The following FRK variants were observed in gnomAD, a reference collection of about 807,000 sequenced individuals.
FRK encodes tyrosine-protein kinase FRK.
Under a neutral mutation model 56.4 loss-of-function variants are expected in FRK, and 51 were observed. The ratio of observed to expected loss-of-function variants is 0.90; its 90% CI spans 0.72 to 1.14. FRK has a LOEUF of 1.14. FRK is among the 50% of genes most tolerant of loss of function. FRK has a pLI of 0.00. For synonymous variants in FRK, 245 were observed against 217.9 expected (o/e 1.12, Z -1.10); for missense variants, 570 against 601.4 (o/e 0.95, Z 0.55).
chr6:116,024,061 CACA>C (rs1775981759), intron 1 of FRK, among the ~76,000 whole-genome samples: 2 of 17,410 alleles, frequency 1.1e-4, no homozygotes, highest in South Asian at 4.4e-3. Context: ...AGAACTTACA[CACA>C]CACACACACA....
At chr6:115,985,914 G>A in intron 2 of FRK, among the ~76,000 whole-genome samples, 1 of 80,936 alleles carries the variant, frequency 1.2e-5, no homozygotes, top group Non-Finnish European at 2.9e-5. Context: ...AAATCATTAT[G>A]ATTAGAATGC....
At chr6:116,000,557 A>G (rs1775026430) in intron 2 of FRK, among the ~76,000 whole-genome samples, 1 of 152,018 alleles carries the variant, frequency 6.6e-6, no homozygotes, top group South Asian at 2.1e-4. Context: ...TCATTCTTCT[A>G]TATTTTTAAC....
Position 115,934,916 on chromosome 6 carries a change from T to C in FRK, c.*7498A>G, listed in dbSNP as rs1444657964. The C allele has an allele frequency of 6.9e-6, 1 of 145,264 alleles. No homozygotes were observed. The highest frequency in any genetic ancestry group is 7.1e-5 in the Admixed American group (1 of 14,092). 9.0% of individuals were successfully genotyped at this position (145,264 alleles called of 1,614,324 possible). ...AAGTTTAATTCAAACTTAAGATGAG[T>C]AAAAACCCTCTTATCCTACCAGACC... is the stretch of plus-strand genomic sequence containing the variant. On this transcript the variant is annotated 3_prime_UTR_variant, in exon 8 of 8. Transcript: ENST00000606080.
chr6:115,937,612 T>C lies in FRK; in HGVS notation c.*4802A>G, dbSNP rs1024095706. 7 of 151,388 alleles carry C rather than the reference T, an allele frequency of 4.6e-5. No homozygotes were observed. The highest frequency in any genetic ancestry group is 1.7e-4 in the African/African-American group (7 of 41,112). 9.4% of individuals were successfully genotyped at this position (151,388 alleles called of 1,614,324 possible). A position where few individuals can be genotyped will look rare whatever the true frequency, so the allele number is the denominator to read the frequency against. Reference sequence around the variant, plus strand: ...TGCAAAGAGACACACAGGCTCAAGATAAAGGGATGGAGGAATATTTACGAA... The same window carrying C: ...TGCAAAGAGACACACAGGCTCAAGACAAAGGGATGGAGGAATATTTACGAA... On this transcript the variant is annotated 3_prime_UTR_variant, in exon 8 of 8. Coordinates refer to ENST00000606080, the MANE Select transcript of FRK (RefSeq NM_002031.3).
chr6:116,053,977 GTTGAA>G (rs1375372534), intron 1 of FRK, among the ~76,000 whole-genome samples: 5 of 151,906 alleles, frequency 3.3e-5, no homozygotes, highest in African/African-American at 1.2e-4. Flanking sequence ...TTTTAACATA[GTTGAA>G]TTGGTTGCTC....
chr6:115,932,729 C>G lies in FRK; in HGVS notation c.*9685G>C, dbSNP rs1771977761. 1 of 152,186 alleles carries G rather than the reference C, an allele frequency of 6.6e-6. No homozygotes were observed. The highest frequency in any genetic ancestry group is 6.5e-5 in the Admixed American group (1 of 15,284). The allele number at this position is 152,186 out of a possible 1,614,324, so 9.4% of individuals were successfully genotyped here. A position where few individuals can be genotyped will look rare whatever the true frequency, so the allele number is the denominator to read the frequency against. On this transcript the variant is annotated 3_prime_UTR_variant, in exon 8 of 8. Coordinates refer to ENST00000606080, the MANE Select transcript of FRK (RefSeq NM_002031.3). ...GGCATATGCTTAACAAACCATGGAA[C>G]ACCAGCTGGGCTCTGCTTCCTTCAG...
chr6:116,072,504 T>A, the FRK span, among the ~76,000 whole-genome samples: 161 of 150,930 alleles, frequency 1.1e-3, 1 homozygote, highest in African/African-American at 3.8e-3. Flanking sequence ...ATGTTAGAAC[T>A]GATTACATCA....
intron 1 of FRK, among the ~76,000 whole-genome samples, chr6:116,035,820 G>A (rs1321393816): frequency 2.6e-5 from 4 of 151,794 alleles, no homozygotes; most frequent in African/African-American, 7.3e-5. Flanking sequence ...AATAAATAGC[G>A]AGCAGGTGAA....
intron 1 of FRK, among the ~76,000 whole-genome samples, chr6:116,049,637 G>A (rs987095295): frequency 1.3e-5 from 2 of 152,140 alleles, no homozygotes; most frequent in South Asian, 2.1e-4. Context: ...TTGTGTGGAC[G>A]TAAGCAGTTT....
intron 4 of FRK, among the ~76,000 whole-genome samples, chr6:115,957,785 A>G (rs1773067087): frequency 6.6e-6 from 1 of 152,216 alleles, no homozygotes; most frequent in Non-Finnish European, 1.5e-5. Context: ...ACTCTCTGCC[A>G]CTAGTGCCCT....
At chr6:115,956,690 G>A in intron 4 of FRK, 80 bp from the exon 5 acceptor site, 1 of 1,145,120 alleles carries the variant, frequency 8.7e-7, no homozygotes, top group Non-Finnish European at 1.2e-6. Context: ...GAATCATCAA[G>A]ATTGCCTCCT....
chr6:116,045,546 A>C (rs1468749423), intron 1 of FRK, among the ~76,000 whole-genome samples: 1 of 152,240 alleles, frequency 6.6e-6, no homozygotes, highest in Non-Finnish European at 1.5e-5. Context: ...GAAAACTGAA[A>C]CTGGACCCCT....
intron 1 of FRK, among the ~76,000 whole-genome samples, chr6:116,007,056 T>C (rs1775271941): frequency 6.6e-6 from 1 of 152,296 alleles, no homozygotes; most frequent in East Asian, 1.9e-4. Flanking sequence ...CAATACTTTT[T>C]CACAGAAATA....
At chr6:115,947,131 T>C (rs1772487779) in intron 5 of FRK, among the ~76,000 whole-genome samples, 1 of 151,944 alleles carries the variant, frequency 6.6e-6, no homozygotes. Context: ...ATTCAGGGGG[T>C]TTCTAGGGTG....
the FRK span, among the ~76,000 whole-genome samples, chr6:116,097,997 A>G: frequency 6.6e-6 from 1 of 152,090 alleles, no homozygotes; most frequent in Non-Finnish European, 1.5e-5. Context: ...GGGTTTAGAC[A>G]ACAAAAAATT....
intron 4 of FRK, among the ~76,000 whole-genome samples, chr6:115,958,649 AAAG>A (rs1562257012): frequency 2.1e-3 from 8 of 3,896 alleles, no homozygotes; most frequent in African/African-American, 4.7e-3. Flanking sequence ...GAAAGAAAAG[AAAG>A]AAAGAAAGAA....
chr6:116,066,557 G>T, the FRK span, among the ~76,000 whole-genome samples: 1 of 152,016 alleles, frequency 6.6e-6, no homozygotes, highest in Non-Finnish European at 1.5e-5. Context: ...ATATCAATCA[G>T]ACCTGTGTTT....
chr6:116,033,921 G>T (rs1407224966), intron 1 of FRK, among the ~76,000 whole-genome samples: 2 of 152,132 alleles, frequency 1.3e-5, no homozygotes, highest in Non-Finnish European at 2.9e-5. Context: ...AGGAGCTGGT[G>T]AGAGATGGTT....
At chr6:116,075,877 G>A in the FRK span, among the ~76,000 whole-genome samples, 1 of 152,112 alleles carries the variant, frequency 6.6e-6, no homozygotes, top group Admixed American at 6.6e-5. Flanking sequence ...AAGATAGAGG[G>A]ATGAGATCTG....
Sources: allele counts gnomAD v4.1 joint callset (sites outside exome capture counted in the v4.1 genomes callset), GRCh38; gene constraint gnomAD v4.1.1; transcripts MANE v1.5; gene names NCBI Gene and HGNC (gene_info 2026-07-23, HGNC 2026-07-21).